The following MALRD1 variants were observed in gnomAD, a reference collection of about 807,000 sequenced individuals.
MALRD1 encodes MAM and LDL receptor class A domain containing 1.
MALRD1 carries 247 observed loss-of-function variants against 242.1 expected under a neutral mutation model. The observed-to-expected ratio is 1.02, with a 90% CI of 0.92 to 1.13. The LOEUF (loss-of-function observed/expected upper bound fraction) is 1.13, where lower values mean the gene tolerates loss of function less well. Among genes scored for constraint, MALRD1 ranks in the 50% most tolerant of loss-of-function variants. The pLI is 0.00. For synonymous variants in MALRD1, 995 were observed against 866.6 expected (o/e 1.15, Z -2.60); for missense variants, 2,989 against 2,533.1 (o/e 1.18, Z -3.86).
intron 33 of MALRD1, among the ~76,000 whole-genome samples, chr10:19,573,535 C>G (rs745416369): frequency 6.6e-6 from 1 of 152,180 alleles, no homozygotes; most frequent in Admixed American, 6.5e-5. Flanking sequence ...CATTTTCTTT[C>G]TCTTCCCAGA....
intron 36 of MALRD1, among the ~76,000 whole-genome samples, chr10:19,622,213 G>A (rs1589319952): frequency 6.6e-6 from 1 of 151,442 alleles, no homozygotes; most frequent in Non-Finnish European, 1.5e-5. Context: ...TATCATGATG[G>A]TATACATGAA....
intron 38 of MALRD1, among the ~76,000 whole-genome samples, chr10:19,697,718 G>T (rs987356641): frequency 1.3e-4 from 20 of 152,224 alleles, no homozygotes; most frequent in African/African-American, 4.8e-4. Context: ...GCCCAGCAGA[G>T]CCACCTCTCT....
chr10:19,069,172 T>C (rs1835066317), intron 2 of MALRD1, among the ~76,000 whole-genome samples: 1 of 152,064 alleles, frequency 6.6e-6, no homozygotes, highest in Admixed American at 6.6e-5. Flanking sequence ...ACAATTTATT[T>C]GAAAAATATT....
chr10:19,500,323 A>G (rs930643663), intron 31 of MALRD1, among the ~76,000 whole-genome samples: 8 of 152,252 alleles, frequency 5.3e-5, no homozygotes, highest in Non-Finnish European at 1.0e-4. Context: ...AACAGGACAG[A>G]GAATCAAGAA....
chr10:19,448,384 C>A (rs936247288), intron 28 of MALRD1, among the ~76,000 whole-genome samples: 2 of 151,934 alleles, frequency 1.3e-5, no homozygotes, highest in Admixed American at 6.6e-5. Flanking sequence ...TGACCCAGGA[C>A]CAAGGAATAT....
Position 19,702,507 on chromosome 10 carries a change from T to C in MALRD1, c.6314+9953T>C, listed in dbSNP as rs192878263. 3.4e-3 allele frequency among the ~76,000 whole-genome samples: 517 copies of C among 152,348 alleles called. 1 individual carries two copies. The highest frequency in any genetic ancestry group is 5.5e-3 in the Non-Finnish European group (377 of 68,042). On this transcript the variant is annotated intron_variant, in intron 38 of 39. Coordinates refer to ENST00000454679, the MANE Select transcript of MALRD1 (RefSeq NM_001142308.3). The stretch of plus-strand genomic sequence containing the variant: ...CTATTTCCATATTAATCCTTATTTT[T>C]ATATTTCTGGTATCTGGGATTGTAT...
intron 18 of MALRD1, among the ~76,000 whole-genome samples, chr10:19,216,961 A>T (rs1389757020): frequency 5.1e-3 from 108 of 20,980 alleles, no homozygotes; most frequent in African/African-American, 0.019. Context: ...AAAAAAAATA[A>T]AAATAAAATA....
intron 29 of MALRD1, among the ~76,000 whole-genome samples, chr10:19,490,235 T>C (rs1320025826): frequency 2.0e-5 from 3 of 152,160 alleles, no homozygotes; most frequent in Non-Finnish European, 4.4e-5. Context: ...TTTTTTTCCT[T>C]TGTCCATTTA....
intron 36 of MALRD1, among the ~76,000 whole-genome samples, chr10:19,666,948 C>A (rs1286420003): frequency 6.6e-6 from 1 of 152,092 alleles, no homozygotes; most frequent in Non-Finnish European, 1.5e-5. Context: ...CAATGAGGAG[C>A]AAATGCATTC....
At chr10:19,596,026 T>C (rs901681055) in intron 34 of MALRD1, among the ~76,000 whole-genome samples, 3 of 152,210 alleles carry the variant, frequency 2.0e-5, no homozygotes, top group African/African-American at 7.2e-5. Flanking sequence ...GCAGAAGTTA[T>C]TTAAGTGCTG....
intron 28 of MALRD1, among the ~76,000 whole-genome samples, chr10:19,389,813 A>G (rs1846260267): frequency 6.6e-6 from 1 of 152,128 alleles, no homozygotes; most frequent in African/African-American, 2.4e-5. Flanking sequence ...CTAATTTTAT[A>G]TTCTTTGTAG....
intron 27 of MALRD1, among the ~76,000 whole-genome samples, chr10:19,388,242 C>T (rs538440446): frequency 1.3e-5 from 2 of 152,240 alleles, no homozygotes; most frequent in South Asian, 4.1e-4. Flanking sequence ...TCATTTTAAC[C>T]TGATCATCAG....
At chr10:19,606,443 T>C (rs1016083745) in intron 34 of MALRD1, among the ~76,000 whole-genome samples, 3 of 152,124 alleles carry the variant, frequency 2.0e-5, no homozygotes. Context: ...TGCAAGACAG[T>C]TCTGACTATC....
At chr10:19,249,240 G>T (rs955120389) in intron 18 of MALRD1, among the ~76,000 whole-genome samples, 1 of 151,602 alleles carries the variant, frequency 6.6e-6, no homozygotes, top group Non-Finnish European at 1.5e-5. Context: ...AATGGAAAAA[G>T]GAGGACAGTC....
At chr10:19,182,455 T>G (rs36058528) in intron 14 of MALRD1, among the ~76,000 whole-genome samples, 45,100 of 149,596 alleles carry the variant, frequency 0.3, 7,081 homozygotes, top group Admixed American at 0.37. Context: ...CTCCCGAGTA[T>G]CTGGGACAGC....
At chr10:19,591,359 C>G (rs1837772392) in intron 33 of MALRD1, among the ~76,000 whole-genome samples, 2 of 152,260 alleles carry the variant, frequency 1.3e-5, no homozygotes, top group South Asian at 4.1e-4. Flanking sequence ...TGGTTGATTC[C>G]AACACACTTG....
At chr10:19,615,472 T>G (rs1386746974) in intron 35 of MALRD1, among the ~76,000 whole-genome samples, 5 of 117,052 alleles carry the variant, frequency 4.3e-5, no homozygotes, top group Non-Finnish European at 8.0e-5. Flanking sequence ...GCTGTGTTTA[T>G]GCCACTCTAT....
At chr10:19,490,554 G>A (rs1185366631) in intron 29 of MALRD1, among the ~76,000 whole-genome samples, 2 of 143,228 alleles carry the variant, frequency 1.4e-5, no homozygotes, top group Admixed American at 1.4e-4. Flanking sequence ...GGGGTACGGT[G>A]AAGGGAGGCT....
intron 31 of MALRD1, among the ~76,000 whole-genome samples, chr10:19,527,532 A>G (rs566741824): frequency 6.6e-6 from 1 of 152,310 alleles, no homozygotes; most frequent in Admixed American, 6.5e-5. Context: ...TCAGGTTGAC[A>G]CTACAACATG....
Sources: allele counts gnomAD v4.1 joint callset (sites outside exome capture counted in the v4.1 genomes callset), GRCh38; gene constraint gnomAD v4.1.1; transcripts MANE v1.5; gene names NCBI Gene and HGNC (gene_info 2026-07-23, HGNC 2026-07-21).